PCDH15: variants seen among roughly 807,000 people sequenced by gnomAD.
PCDH15 encodes the protein protocadherin-15.
A neutral mutation model predicts 178.5 loss-of-function variants in PCDH15; 129 were observed. That is an observed-to-expected ratio of 0.72 (90% CI 0.63 to 0.84). The LOEUF (loss-of-function observed/expected upper bound fraction) is 0.84, where lower values mean the gene tolerates loss of function less well. Among genes scored for constraint, PCDH15 ranks in the 40% least tolerant of loss-of-function variants. PCDH15 has a pLI of 0.00. For synonymous variants in PCDH15, 800 were observed against 732.0 expected (o/e 1.09, Z -1.50); for missense variants, 2,230 against 2,099.9 (o/e 1.06, Z -1.21).
rs143727919 is a variant in PCDH15, at chr10:55,393,314, A to T, written c.-155-226663T>A. On this transcript the variant is annotated intron_variant, in intron 2 of 5. Coordinates refer to the PCDH15 transcript ENST00000613346. ...CATATTTCAAACAAATGCCCTGGTA[A>T]TAACATTAGTCTAGACACCACACTG... Among the ~76,000 whole-genome samples, 393 of 152,282 alleles carry T rather than the reference A, an allele frequency of 2.6e-3. 2 individuals are homozygous for T. The highest frequency in any genetic ancestry group is 9.1e-3 in the African/African-American group (378 of 41,576).
chr10:54,255,312 T>C lies in PCDH15; in HGVS notation c.877-18381A>G, dbSNP rs189999809. 8.9e-4 allele frequency among the ~76,000 whole-genome samples: 135 copies of C among 152,308 alleles called. 1 individual carries two copies. The highest frequency in any genetic ancestry group is 1.5e-3 in the Admixed American group (23 of 15,292). The stretch of plus-strand genomic sequence containing the variant: ...AAGAGATGAAGCAGATGCACATCAC[T>C]TCCTTTGGGAACTTGCTGAAATAAT... On this transcript the variant is annotated intron_variant, in intron 8 of 37. Coordinates refer to ENST00000644397, the MANE Select transcript of PCDH15 (RefSeq NM_001384140.1).
At chr10:55,398,264 A>T (rs1388490850) in intron 2 of PCDH15, among the ~76,000 whole-genome samples, 1 of 152,094 alleles carries the variant, frequency 6.6e-6, no homozygotes, top group Non-Finnish European at 1.5e-5. Context: ...AGCCTCCTGA[A>T]TGAACATGAG....
intron 26 of PCDH15, among the ~76,000 whole-genome samples, chr10:53,886,887 G>C (rs141748135): frequency 6.6e-6 from 1 of 152,242 alleles, no homozygotes; most frequent in African/African-American, 2.4e-5. Context: ...GATGCAGGCT[G>C]TTCCCTTTCA....
chr10:54,098,544 A>G (rs185001662), intron 15 of PCDH15, among the ~76,000 whole-genome samples: 23 of 152,284 alleles, frequency 1.5e-4, no homozygotes, highest in African/African-American at 4.8e-4. Flanking sequence ...TTATTGCCCA[A>G]TACTAACTGT....
chr10:54,754,483 C>G (rs1308547268), intron 1 of PCDH15, among the ~76,000 whole-genome samples: 2 of 151,874 alleles, frequency 1.3e-5, no homozygotes, highest in African/African-American at 4.8e-5. Context: ...GAAAATACAC[C>G]ATTAATATGC....
chr10:55,193,105 C>A (rs1370360527), intron 1 of PCDH15, among the ~76,000 whole-genome samples: 1 of 151,318 alleles, frequency 6.6e-6, no homozygotes, highest in Non-Finnish European at 1.5e-5. Flanking sequence ...TGTCCTCAAC[C>A]TGGACATACT....
At chr10:55,183,236 A>G (rs1193279252) in intron 1 of PCDH15, among the ~76,000 whole-genome samples, 1 of 151,972 alleles carries the variant, frequency 6.6e-6, no homozygotes, top group Admixed American at 6.6e-5. Flanking sequence ...TGAATGTCTC[A>G]TTTTAGAAAT....
At chr10:53,948,536 T>C (rs760355936) in intron 23 of PCDH15, among the ~76,000 whole-genome samples, 3 of 152,204 alleles carry the variant, frequency 2.0e-5, no homozygotes, top group Non-Finnish European at 4.4e-5. Flanking sequence ...GTAAAAAGCA[T>C]TCTTAGAAGA....
At chr10:54,386,947 G>T (rs1380055725) in intron 3 of PCDH15, among the ~76,000 whole-genome samples, 1 of 152,100 alleles carries the variant, frequency 6.6e-6, no homozygotes, top group Non-Finnish European at 1.5e-5. Context: ...AGTAACTATA[G>T]TTAATAACAA....
chr10:54,210,652 T>G (rs539306609), intron 10 of PCDH15, among the ~76,000 whole-genome samples: 1 of 152,026 alleles, frequency 6.6e-6, no homozygotes, highest in Non-Finnish European at 1.5e-5. Flanking sequence ...AGGGAGAGTA[T>G]CTCTAAATGC....
At chr10:54,418,807 T>G (rs12772842) in intron 3 of PCDH15, among the ~76,000 whole-genome samples, 4,303 of 152,050 alleles carry the variant, frequency 0.028, 86 homozygotes, top group African/African-American at 0.055. Flanking sequence ...GTAAGTCTTA[T>G]AGGTAAAAAT....
chr10:55,376,526 A>C (rs777806854), intron 2 of PCDH15, among the ~76,000 whole-genome samples: 1 of 152,072 alleles, frequency 6.6e-6, no homozygotes, highest in African/African-American at 2.4e-5. Flanking sequence ...CAGTATCTGA[A>C]TCATGTTCTG....
intron 2 of PCDH15, among the ~76,000 whole-genome samples, chr10:54,548,201 T>A (rs1175469144): frequency 1.4e-5 from 2 of 147,768 alleles, no homozygotes; most frequent in East Asian, 3.9e-4. Context: ...TATATGTATA[T>A]ACTTATATAT....
intron 1 of PCDH15, among the ~76,000 whole-genome samples, chr10:55,276,410 C>G (rs1479068368): frequency 6.6e-6 from 1 of 150,896 alleles, no homozygotes; most frequent in Non-Finnish European, 1.5e-5. Flanking sequence ...TTCTAATTTG[C>G]TAATTTTTTT....
chr10:55,424,601 T>C (rs73259640), intron 2 of PCDH15, among the ~76,000 whole-genome samples: 182 of 152,290 alleles, frequency 1.2e-3, no homozygotes, highest in African/African-American at 4.3e-3. Context: ...TTGCTACATG[T>C]CTTCAAAACA....
intron 2 of PCDH15, among the ~76,000 whole-genome samples, chr10:55,445,682 C>T (rs1224943540): frequency 6.6e-6 from 1 of 152,012 alleles, no homozygotes; most frequent in East Asian, 1.9e-4. Context: ...TCCTGTCAAG[C>T]TCTATTAAAA....
At chr10:55,429,208 A>G (rs1048498886) in intron 2 of PCDH15, among the ~76,000 whole-genome samples, 2 of 152,100 alleles carry the variant, frequency 1.3e-5, no homozygotes, top group African/African-American at 4.8e-5. Context: ...TTATATTACT[A>G]TCTGCTAACT....
chr10:54,947,149 A>G (rs1374949187), intron 2 of PCDH15, among the ~76,000 whole-genome samples: 1 of 151,938 alleles, frequency 6.6e-6, no homozygotes, highest in Non-Finnish European at 1.5e-5. Context: ...TAGAAAAAAT[A>G]GTAAGACGTA....
At chr10:55,558,233 C>A (rs539531191) in intron 2 of PCDH15, among the ~76,000 whole-genome samples, 1 of 152,112 alleles carries the variant, frequency 6.6e-6, no homozygotes, top group Non-Finnish European at 1.5e-5. Flanking sequence ...CAGAAACAAA[C>A]GCTGGACACC....
Sources: allele counts gnomAD v4.1 joint callset (sites outside exome capture counted in the v4.1 genomes callset), GRCh38; gene constraint gnomAD v4.1.1; transcripts MANE v1.5; gene names NCBI Gene and HGNC (gene_info 2026-07-23, HGNC 2026-07-21).